MYO18B: variants seen among roughly 807,000 people sequenced by gnomAD.
MYO18B encodes unconventional myosin-XVIIIb.
In MYO18B, 204 loss-of-function variants were observed where a neutral mutation model predicts 273.0. That is an observed-to-expected ratio of 0.75 (90% CI 0.67 to 0.84). The LOEUF is 0.84. Among genes scored for constraint, MYO18B ranks in the 40% least tolerant of loss-of-function variants. MYO18B has a pLI of 0.00. For synonymous variants in MYO18B, 1,330 were observed against 1,305.7 expected (o/e 1.02, Z -0.40); for missense variants, 3,212 against 3,287.6 (o/e 0.98, Z 0.56).
chr22:25,927,188 G>T (rs2092433546), intron 34 of MYO18B, among the ~76,000 whole-genome samples: 1 of 152,198 alleles, frequency 6.6e-6, no homozygotes, highest in Admixed American at 6.5e-5. Context: ...ATTGTTCAGG[G>T]AATAAGAGAG....
chr22:25,785,021 A>G (rs2087321822), intron 10 of MYO18B, among the ~76,000 whole-genome samples: 1 of 152,192 alleles, frequency 6.6e-6, no homozygotes, highest in South Asian at 2.1e-4. Flanking sequence ...CAACTGTAAA[A>G]TGGAAATAAT....
At chr22:25,907,571 C>G (rs1326223443) in intron 31 of MYO18B, among the ~76,000 whole-genome samples, 2 of 152,164 alleles carry the variant, frequency 1.3e-5, no homozygotes, top group African/African-American at 4.8e-5. Flanking sequence ...GGGGACTGAC[C>G]TAGAGGTAAA....
chr22:25,801,916 C>T (rs558405474), intron 12 of MYO18B, among the ~76,000 whole-genome samples: 124 of 152,294 alleles, frequency 8.1e-4, no homozygotes, highest in African/African-American at 2.9e-3. Flanking sequence ...AGCCCTGAGA[C>T]CAGCCTCTGG....
chr22:25,796,840 G>A (rs556114772), intron 11 of MYO18B, among the ~76,000 whole-genome samples: 9 of 152,304 alleles, frequency 5.9e-5, no homozygotes, highest in Admixed American at 2.6e-4. Context: ...TAAAGCCCAC[G>A]CCCTTTAGTA....
Position 25,777,796 on chromosome 22 carries a change from A to G in MYO18B, c.2068+15A>G. 6.4e-7 allele frequency: 1 copy of G among 1,573,886 alleles called. No homozygotes were observed. The highest frequency in any genetic ancestry group is 8.6e-7 in the Non-Finnish European group (1 of 1,160,224). Reference sequence around the variant, plus strand: ...CAGGGTCTCAGGTATGGTGGTCTCTAGGTGACATGGAGAGTTGGGGTCAGC... The same window carrying G: ...CAGGGTCTCAGGTATGGTGGTCTCTGGGTGACATGGAGAGTTGGGGTCAGC... On this transcript the variant is annotated intron_variant, in intron 8 of 43. Coordinates refer to ENST00000335473, the MANE Select transcript of MYO18B (RefSeq NM_032608.7).
chr22:25,987,915 T>G (rs189948533), intron 39 of MYO18B, among the ~76,000 whole-genome samples: 17 of 152,322 alleles, frequency 1.1e-4, no homozygotes, highest in African/African-American at 3.1e-4. Flanking sequence ...TGCATCTAAC[T>G]ATCTAAATCA....
intron 22 of MYO18B, among the ~76,000 whole-genome samples, chr22:25,873,359 C>G (rs577465777): frequency 1.3e-5 from 2 of 152,336 alleles, no homozygotes; most frequent in Admixed American, 1.3e-4. Context: ...ACCAGCCCAG[C>G]CCCATCCTCT....
chr22:25,797,806 G>A (rs2087987416), intron 11 of MYO18B, 147 bp from the exon 12 acceptor site: 1 of 1,127,288 alleles, frequency 8.9e-7, no homozygotes. Context: ...TTGTCTGTCA[G>A]TACTCCTCAG....
intron 34 of MYO18B, among the ~76,000 whole-genome samples, chr22:25,935,234 G>A (rs1379805883): frequency 1.3e-5 from 2 of 152,202 alleles, no homozygotes; most frequent in Non-Finnish European, 2.9e-5. Context: ...GGAGCAAAAA[G>A]CAGACACTTC....
At chr22:25,806,110 A>G (rs1047001614) in intron 12 of MYO18B, among the ~76,000 whole-genome samples, 2 of 152,162 alleles carry the variant, frequency 1.3e-5, no homozygotes, top group African/African-American at 4.8e-5. Flanking sequence ...TATGTGCTCA[A>G]TAGGTATTTA....
chr22:25,794,169 T>C (rs967756635), intron 11 of MYO18B, among the ~76,000 whole-genome samples: 11 of 151,990 alleles, frequency 7.2e-5, no homozygotes, highest in African/African-American at 2.4e-4. Context: ...CCTGACCTCG[T>C]GATCCACCCA....
intron 42 of MYO18B, among the ~76,000 whole-genome samples, chr22:26,019,956 A>G (rs940825965): frequency 1.3e-5 from 2 of 152,170 alleles, no homozygotes; most frequent in African/African-American, 2.4e-5. Flanking sequence ...CTTGAAAAAT[A>G]TGTATGTGTA....
At chr22:25,950,540 G>GTGTGTGTA in intron 37 of MYO18B, 90 bp downstream of exon 37, 2 of 728,250 alleles carry the variant, frequency 2.7e-6, no homozygotes, top group Middle Eastern at 3.8e-4. Flanking sequence ...GTGTGTGTGT[G>GTGTGTGTA]TGTGTGTGTG....
At position 25,771,130 on chromosome 22, in the gene MYO18B, T is replaced by C. The variant is rs553448547; in HGVS notation, c.1692+146T>C. On this transcript the variant is annotated intron_variant, in intron 6 of 43. Coordinates refer to ENST00000335473, the MANE Select transcript of MYO18B (RefSeq NM_032608.7). ...TGGCTTGATGCCCTGGAGGGAGTTA[T>C]AGTGAAGAACCCCACTGAACTCATT... 1.8e-4 allele frequency: 113 copies of C among 643,334 alleles called. No homozygotes were observed. In the African/African-American group the frequency reaches 1.8e-3, roughly 11 times the overall value. 39.9% of individuals were successfully genotyped at this position (643,334 alleles called of 1,614,324 possible).
downstream of MYO18B, among the ~76,000 whole-genome samples, chr22:26,033,044 C>T (rs1936702443): frequency 6.6e-6 from 1 of 151,836 alleles, no homozygotes; most frequent in Non-Finnish European, 1.5e-5. Context: ...TACATATGTC[C>T]CAAGCTCCCA....
intron 35 of MYO18B, 38 bp from the exon 36 acceptor site, chr22:25,947,674 C>T (rs558116378): frequency 6.5e-7 from 1 of 1,544,052 alleles, no homozygotes; most frequent in South Asian, 1.1e-5. Flanking sequence ...ATCCCTCACC[C>T]TCTCACCTTG....
chr22:25,781,703 C>T, intron 9 of MYO18B, 31 bp from the exon 10 acceptor site: 2 of 1,462,802 alleles, frequency 1.4e-6, no homozygotes, highest in Non-Finnish European at 1.8e-6. Flanking sequence ...ACCCAAAGCA[C>T]TGACTGGGTG....
intron 9 of MYO18B, among the ~76,000 whole-genome samples, chr22:25,781,345 C>G (rs192628757): frequency 1.3e-5 from 2 of 152,162 alleles, no homozygotes; most frequent in African/African-American, 4.8e-5. Flanking sequence ...CGTGGTGGCT[C>G]ACGCCTGTAA....
At chr22:25,780,835 G>T (rs896122155) in intron 9 of MYO18B, among the ~76,000 whole-genome samples, 2 of 152,058 alleles carry the variant, frequency 1.3e-5, no homozygotes, top group East Asian at 1.9e-4. Flanking sequence ...TCTTAAAAGC[G>T]CAAGTTGAAA....
Sources: allele counts gnomAD v4.1 joint callset (sites outside exome capture counted in the v4.1 genomes callset), GRCh38; gene constraint gnomAD v4.1.1; transcripts MANE v1.5; gene names NCBI Gene and HGNC (gene_info 2026-07-23, HGNC 2026-07-21).